C19orf47: variants seen among roughly 807,000 people sequenced by gnomAD.
C19orf47 encodes uncharacterized protein C19orf47.
A neutral mutation model predicts 32.3 loss-of-function variants in C19orf47; 18 were observed. That is an observed-to-expected ratio of 0.56 (90% CI 0.39 to 0.83). The LOEUF is 0.83. Ranked by LOEUF, C19orf47 falls within the 40% of genes least tolerant of loss-of-function variation. The pLI is 0.00. For synonymous variants in C19orf47, 202 were observed against 211.1 expected (o/e 0.96, Z 0.37); for missense variants, 484 against 531.6 (o/e 0.91, Z 0.88).
At chr19:40,346,007 T>C (rs558127352) in intron 1 of C19orf47, among the ~76,000 whole-genome samples, 33 of 149,584 alleles carry the variant, frequency 2.2e-4, no homozygotes, top group Admixed American at 1.9e-3. Flanking sequence ...ATACAAAAAA[T>C]TAGCTGGGCA....
intron 1 of C19orf47, among the ~76,000 whole-genome samples, chr19:40,345,267 C>G (rs563606582): frequency 4.6e-5 from 7 of 152,212 alleles, no homozygotes; most frequent in African/African-American, 1.7e-4. Flanking sequence ...TCCCAAAACT[C>G]AAGGGATTAC....
intron 5 of C19orf47, among the ~76,000 whole-genome samples, chr19:40,330,591 C>A (rs1170236003): frequency 7.4e-6 from 1 of 134,602 alleles, no homozygotes; most frequent in Non-Finnish European, 1.5e-5. Flanking sequence ...CTGTTGCCCA[C>A]GATGATGGAG....
chr19:40,342,199 A>C, intron 1 of C19orf47: 4 of 461,350 alleles, frequency 8.7e-6, no homozygotes, highest in Non-Finnish European at 1.4e-5. Context: ...TTAACAATAA[A>C]TACCAGCCAA....
the C19orf47 span, among the ~76,000 whole-genome samples, chr19:40,311,486 G>C: frequency 6.6e-6 from 1 of 152,008 alleles, no homozygotes; most frequent in Non-Finnish European, 1.5e-5. Flanking sequence ...AGAGTGCAGT[G>C]AGTTGAGATC....
At chr19:40,330,303 A>C (rs1332677777) in intron 5 of C19orf47, among the ~76,000 whole-genome samples, 2 of 150,024 alleles carry the variant, frequency 1.3e-5, no homozygotes, top group Admixed American at 1.3e-4. Flanking sequence ...ATCTTGACTC[A>C]CTGCAAGCTC....
chr19:40,346,959 G>C (rs921530806), intron 1 of C19orf47, among the ~76,000 whole-genome samples: 1 of 152,112 alleles, frequency 6.6e-6, no homozygotes, highest in Non-Finnish European at 1.5e-5. Flanking sequence ...AGTAAGCTAG[G>C]GAAACAGTGG....
At chr19:40,335,056 G>A (rs1183596835) in intron 4 of C19orf47, among the ~76,000 whole-genome samples, 1 of 143,864 alleles carries the variant, frequency 7.0e-6, no homozygotes, top group African/African-American at 2.6e-5. Flanking sequence ...GAGGGAGGGA[G>A]GGAGGAAGGG....
intron 1 of C19orf47, among the ~76,000 whole-genome samples, chr19:40,345,702 C>G (rs2078261036): frequency 6.7e-6 from 1 of 148,754 alleles, no homozygotes; most frequent in African/African-American, 2.5e-5. Context: ...ATTAGCCAGG[C>G]ATGGTGGTGT....
rs2077709813 is a variant in C19orf47 at position 40,321,134 on chromosome 19, C to T, written c.*748G>A. 3 of 703,028 alleles carry T rather than the reference C, an allele frequency of 4.3e-6. No individual in the cohort carries two copies. Among genetic ancestry groups the T allele is most frequent in the Non-Finnish European group, 5.3e-6 (3 of 570,594 alleles). The allele number at this position is 703,028 out of a possible 1,614,324, so 43.5% of individuals were successfully genotyped here. A position where few individuals can be genotyped will look rare whatever the true frequency, so the allele number is the denominator to read the frequency against. On this transcript the variant is annotated 3_prime_UTR_variant, in exon 9 of 9. Transcript: ENST00000683109. ...AGGCACTGGCCTCCCTTCCCAGTGC[C>T]CCTTGCCCACCACCCGCCATACACT...
the C19orf47 span, among the ~76,000 whole-genome samples, chr19:40,298,313 A>G: frequency 6.8e-6 from 1 of 147,886 alleles, no homozygotes; most frequent in East Asian, 2.0e-4. Context: ...AAAAAAAAAA[A>G]AAAAAAGAAA....
chr19:40,318,717 G>A (rs2077679688), downstream of C19orf47, among the ~76,000 whole-genome samples: 1 of 152,176 alleles, frequency 6.6e-6, no homozygotes, highest in Non-Finnish European at 1.5e-5. Context: ...CCAGTCTCAG[G>A]AGGGTCTAGC....
intron 4 of C19orf47, chr19:40,334,873 C>G (rs2078027260): frequency 6.7e-6 from 1 of 149,878 alleles, no homozygotes; most frequent in Non-Finnish European, 1.5e-5. Context: ...GATAGTGCTA[C>G]TGCACTCCAG....
the C19orf47 span, among the ~76,000 whole-genome samples, chr19:40,298,726 T>C: frequency 1.3e-5 from 2 of 152,122 alleles, no homozygotes; most frequent in African/African-American, 2.4e-5. Context: ...GTATGCAAAG[T>C]GTACAAGGAA....
At position 40,330,540 on chromosome 19, in the gene C19orf47, CTTTTTT is replaced by C. The variant is rs398034615; in HGVS notation, c.302-1996_302-1991del. ...GGCGTGAGCCACCATACCCGGCCCT[CTTTTTT>C]TTTTTTTTTTTTTTTTTTGAGACAG... On this transcript the variant is annotated intron_variant, in intron 5 of 8. Transcript: ENST00000683109. Among the ~76,000 whole-genome samples the C allele has an allele frequency of 3.4e-4, 22 of 64,600 alleles. No homozygotes were observed. The South Asian group carries it at 0.013, about 39-fold the overall frequency. The allele number at this position is 64,600 out of a possible 152,430, so 42.4% of individuals were successfully genotyped here.
chr19:40,331,466 C>T (rs1018690378), intron 5 of C19orf47, among the ~76,000 whole-genome samples: 12 of 152,178 alleles, frequency 7.9e-5, no homozygotes, highest in African/African-American at 2.7e-4. Context: ...CCCACAAAAT[C>T]ATGAGAAATA....
At chr19:40,333,274 A>AAAATAAATAAATAAAT (rs61342452) in intron 5 of C19orf47, among the ~76,000 whole-genome samples, 4,441 of 142,862 alleles carry the variant, frequency 0.031, 96 homozygotes, top group Non-Finnish European at 0.045. Context: ...AATAAATAAG[A>AAAATAAATAAATAAAT]AAATAAATAA....
intron 6 of C19orf47, 140 bp downstream of exon 6, chr19:40,328,273 A>G (rs2077874499): frequency 7.7e-7 from 1 of 1,303,386 alleles, no homozygotes; most frequent in Non-Finnish European, 1.0e-6. Flanking sequence ...CCAAGTTTAC[A>G]GAGGTGATTC....
At chr19:40,347,394 T>A (rs1471551790) in intron 1 of C19orf47, among the ~76,000 whole-genome samples, 1 of 151,834 alleles carries the variant, frequency 6.6e-6, no homozygotes, top group African/African-American at 2.4e-5. Context: ...TAGCCGGGCG[T>A]GGTGGCGCAT....
chr19:40,329,857 A>G (rs1207162029), intron 5 of C19orf47, among the ~76,000 whole-genome samples: 1 of 152,230 alleles, frequency 6.6e-6, no homozygotes, highest in Non-Finnish European at 1.5e-5. Flanking sequence ...CAATAGGATC[A>G]GGATTTTCTG....
Sources: gnomAD v4.1 joint callset for allele counts (sites outside exome capture counted in the v4.1 genomes callset) on GRCh38, gnomAD v4.1.1 for gene constraint, MANE v1.5 for transcripts, NCBI Gene and HGNC (gene_info 2026-07-23, HGNC 2026-07-21) for gene names.